The following TCF7L2 variants were observed in gnomAD, a reference collection of about 807,000 sequenced individuals.
The protein encoded by TCF7L2 is transcription factor 7 like 2.
A neutral mutation model predicts 77.9 loss-of-function variants in TCF7L2; 23 were observed. The observed-to-expected ratio is 0.30, with a 90% CI of 0.21 to 0.42. The LOEUF (loss-of-function observed/expected upper bound fraction) is 0.42, where lower values mean the gene tolerates loss of function less well. TCF7L2 is among the 10% of genes least tolerant of loss of function. The pLI, the probability that TCF7L2 is intolerant of heterozygous loss-of-function variation, is 1.00. For missense variants in TCF7L2, 654 were observed against 793.1 expected (o/e 0.82, Z 2.11); for synonymous variants, 413 against 340.2 (o/e 1.21, Z -2.36).
chr10:113,153,938 G>A (rs185291009), intron 11 of TCF7L2, among the ~76,000 whole-genome samples: 19 of 152,316 alleles, frequency 1.2e-4, no homozygotes, highest in East Asian at 9.7e-4. Flanking sequence ...GAACAGGGAG[G>A]TGCCCCTGGC....
At chr10:113,080,590 A>G (rs1025247580) in intron 5 of TCF7L2, among the ~76,000 whole-genome samples, 1 of 152,182 alleles carries the variant, frequency 6.6e-6, no homozygotes, top group Non-Finnish European at 1.5e-5. Context: ...GAATATTTAT[A>G]TCTTTGTATG....
Position 113,065,595 on chromosome 10 carries a change from G to C in TCF7L2, c.552+25469G>C, listed in dbSNP as rs1269286238. ...TTATCTGTTAAGAATCGGGATAACT[G>C]GGGCTTCTGAAGGGGTAGGGTCATG... On this transcript the variant is annotated intron_variant, in intron 5 of 13. Transcript: ENST00000627217. 2.6e-5 allele frequency among the ~76,000 whole-genome samples: 4 copies of C among 152,154 alleles called. No homozygotes were observed. The East Asian group carries it at 7.7e-4, about 29-fold the overall frequency.
At chr10:113,020,284 C>T (rs1338782716) in intron 4 of TCF7L2, among the ~76,000 whole-genome samples, 1 of 152,152 alleles carries the variant, frequency 6.6e-6, no homozygotes, top group East Asian at 1.9e-4. Flanking sequence ...ACAGATGTGG[C>T]GGCCTCCATG....
chr10:113,153,335 CA>C (rs2071156069), intron 11 of TCF7L2, among the ~76,000 whole-genome samples: 1 of 152,220 alleles, frequency 6.6e-6, no homozygotes, highest in Non-Finnish European at 1.5e-5. Context: ...TACTTTATTT[CA>C]TGACATTTGG....
intron 3 of TCF7L2, among the ~76,000 whole-genome samples, chr10:112,958,013 T>C (rs1328755540): frequency 3.3e-5 from 5 of 152,164 alleles, no homozygotes; most frequent in African/African-American, 1.2e-4. Flanking sequence ...AAGGTTTTCT[T>C]TTCTAATCAA....
chr10:112,985,023 A>G (rs1244779509), intron 4 of TCF7L2, among the ~76,000 whole-genome samples: 1 of 152,178 alleles, frequency 6.6e-6, no homozygotes, highest in Non-Finnish European at 1.5e-5. Flanking sequence ...AGTTTTATCT[A>G]TAAAATGGGG....
At chr10:113,070,344 T>C (rs2057838510) in intron 5 of TCF7L2, among the ~76,000 whole-genome samples, 1 of 151,200 alleles carries the variant, frequency 6.6e-6, no homozygotes, top group African/African-American at 2.4e-5. Context: ...CTTAGCCCTT[T>C]GTCTGGTATC....
intron 13 of TCF7L2, among the ~76,000 whole-genome samples, chr10:113,164,912 A>C (rs558999470): frequency 1.3e-5 from 2 of 152,228 alleles, no homozygotes; most frequent in East Asian, 3.9e-4. Context: ...CAGCAGCCTC[A>C]TGGTGGTGGT....
chr10:113,036,115 CCATCATCAT>C (rs71869784), intron 4 of TCF7L2, among the ~76,000 whole-genome samples: 42,832 of 146,356 alleles, frequency 0.29, 6,503 homozygotes, highest in Middle Eastern at 0.39. Flanking sequence ...ATCATCATCA[CCATCATCAT>C]CATCATCATC....
chr10:113,013,192 C>G (rs1590409656), intron 4 of TCF7L2, among the ~76,000 whole-genome samples: 1 of 147,506 alleles, frequency 6.8e-6, no homozygotes, highest in South Asian at 2.3e-4. Context: ...GATCTCAGCT[C>G]ACTGCAACCT....
chr10:113,160,306 C>T (rs991812587), intron 12 of TCF7L2, among the ~76,000 whole-genome samples: 5 of 152,022 alleles, frequency 3.3e-5, no homozygotes, highest in African/African-American at 1.2e-4. Flanking sequence ...GATCGGAATC[C>T]TGGCCTAGGT....
chr10:112,955,674 T>C (rs1318231810), intron 3 of TCF7L2, among the ~76,000 whole-genome samples: 1 of 152,164 alleles, frequency 6.6e-6, no homozygotes, highest in East Asian at 1.9e-4. Flanking sequence ...CACCTTGATT[T>C]TAATTTTACT....
At chr10:113,141,465 TGAAAAGGAA>T (rs2068368805) in intron 6 of TCF7L2, 149 bp downstream of exon 6, 1 of 1,161,546 alleles carries the variant, frequency 8.6e-7, no homozygotes, top group Non-Finnish European at 1.2e-6. Flanking sequence ...TTCTGGGTGT[TGAAAAGGAA>T]GCTCTTTGGG....
intron 3 of TCF7L2, among the ~76,000 whole-genome samples, chr10:112,959,092 A>G (rs2034413882): frequency 6.6e-6 from 1 of 152,104 alleles, no homozygotes; most frequent in Non-Finnish European, 1.5e-5. Flanking sequence ...TTATGTTTTG[A>G]CGTTGAAAGA....
chr10:113,126,415 G>A (rs1483852755), intron 5 of TCF7L2, among the ~76,000 whole-genome samples: 1 of 152,152 alleles, frequency 6.6e-6, no homozygotes, highest in South Asian at 2.1e-4. Flanking sequence ...GAACTGCAAA[G>A]CATTACTTTC....
In TCF7L2 at chr10:113,151,837, T is replaced by G. The variant is rs2137154476; in HGVS notation, c.1114T>G (p.Cys372Gly). 6.2e-7 allele frequency: 1 copy of G among 1,612,958 alleles called. No individual in the cohort carries two copies. Among genetic ancestry groups the G allele is most frequent in the Non-Finnish European group, 8.5e-7 (1 of 1,179,788 alleles). The change falls in exon 10 of 14, where the codon TGC becomes GGC. Residue 372 changes from cysteine to glycine, a missense_variant. Transcript: ENST00000627217. This position sits in a 1 kb window ranked among gnomAD's most constrained non-coding sequence, Gnocchi z 5.2. ...AATGAGAGCAAAGGTCGTAGCTGAGTGCACGTTGAAAGAAAGCGCGGCCAT... is the reference window on the plus strand; with the variant it reads ...AATGAGAGCAAAGGTCGTAGCTGAGGGCACGTTGAAAGAAAGCGCGGCCAT...
intron 5 of TCF7L2, among the ~76,000 whole-genome samples, chr10:113,077,044 A>G (rs1268568013): frequency 6.6e-6 from 1 of 152,198 alleles, no homozygotes; most frequent in Non-Finnish European, 1.5e-5. Context: ...ATCTGGCAAG[A>G]GCTAGTTATC....
At chr10:112,952,229 GT>G (rs2031878875) in intron 3 of TCF7L2, among the ~76,000 whole-genome samples, 1 of 152,208 alleles carries the variant, frequency 6.6e-6, no homozygotes, top group Non-Finnish European at 1.5e-5. Context: ...GGGCGACTAT[GT>G]ATTTAGCTTT....
At chr10:113,048,974 G>C (rs913839502) in intron 5 of TCF7L2, among the ~76,000 whole-genome samples, 3 of 152,114 alleles carry the variant, frequency 2.0e-5, no homozygotes, top group Non-Finnish European at 4.4e-5. Context: ...ATCATAGAAG[G>C]AGAAAACAAC....
Sources: allele counts gnomAD v4.1 joint callset (sites outside exome capture counted in the v4.1 genomes callset), GRCh38; gene constraint gnomAD v4.1.1; non-coding constraint Gnocchi (gnomAD v3.1); transcripts MANE v1.5; gene names NCBI Gene and HGNC (gene_info 2026-07-23, HGNC 2026-07-21).